SH3RF3: variants seen among roughly 807,000 people sequenced by gnomAD.
SH3RF3 encodes SH3 domain containing ring finger 3.
A neutral mutation model predicts 66.3 loss-of-function variants in SH3RF3; 29 were observed. The observed-to-expected ratio is 0.44, with a 90% CI of 0.33 to 0.60. The LOEUF is 0.60. SH3RF3 is among the 20% of genes least tolerant of loss of function. The pLI, the probability that SH3RF3 is intolerant of heterozygous loss-of-function variation, is 0.04. For missense variants in SH3RF3, 1,194 were observed against 1,190.9 expected (o/e 1.00, Z -0.04); for synonymous variants, 583 against 532.0 (o/e 1.10, Z -1.32).
chr2:109,156,449 G>T (rs1453826088), intron 1 of SH3RF3, among the ~76,000 whole-genome samples: 2 of 145,228 alleles, frequency 1.4e-5, no homozygotes, highest in Admixed American at 6.9e-5. Flanking sequence ...GAATTTTAAG[G>T]TTTTTTTTTT....
Position 109,136,234 on chromosome 2 carries a change from AAC to A in SH3RF3, c.573+6129_573+6130del, listed in dbSNP as rs531478704. Among the ~76,000 whole-genome samples, 10 of 152,288 alleles carry A rather than the reference AAC, an allele frequency of 6.6e-5. 1 individual carries two copies. The highest frequency in any genetic ancestry group is 3.3e-4 in the Admixed American group (5 of 15,298). On this transcript the variant is annotated intron_variant, in intron 1 of 9. Transcript: ENST00000309415. ...TCTTTTTTGAGGTGCATTAAAAAAA[AAC>A]ACACACATCAGCAAGCATTTGCTGG...
At chr2:109,136,755 G>C (rs1676823981) in intron 1 of SH3RF3, among the ~76,000 whole-genome samples, 1 of 152,200 alleles carries the variant, frequency 6.6e-6, no homozygotes, top group Admixed American at 6.5e-5. Context: ...AGGCTCACAT[G>C]AATTTATGTG....
intron 2 of SH3RF3, among the ~76,000 whole-genome samples, chr2:109,371,285 A>G (rs1337254729): frequency 2.6e-5 from 4 of 152,192 alleles, no homozygotes; most frequent in Non-Finnish European, 5.9e-5. Context: ...AGCTACTTGG[A>G]AGGCTGAGGC....
At chr2:109,275,064 CA>C (rs1680722606) in intron 1 of SH3RF3, among the ~76,000 whole-genome samples, 1 of 152,140 alleles carries the variant, frequency 6.6e-6, no homozygotes, top group Non-Finnish European at 1.5e-5. Context: ...CCCCTTAGAA[CA>C]TCTCAGAACA....
chr2:109,194,199 G>A (rs1239294115), intron 1 of SH3RF3, among the ~76,000 whole-genome samples: 1 of 152,234 alleles, frequency 6.6e-6, no homozygotes, highest in Admixed American at 6.5e-5. Flanking sequence ...ACAGGCACAG[G>A]CACTGCCCGT....
chr2:109,495,680 C>T (rs979859988), intron 9 of SH3RF3, among the ~76,000 whole-genome samples: 3 of 151,734 alleles, frequency 2.0e-5, no homozygotes, highest in Non-Finnish European at 4.4e-5. Context: ...TTAGTAGAGA[C>T]GGGGTTTCGC....
intron 3 of SH3RF3, among the ~76,000 whole-genome samples, chr2:109,394,845 G>A (rs991272083): frequency 5.3e-5 from 8 of 152,330 alleles, no homozygotes; most frequent in Admixed American, 3.3e-4. Flanking sequence ...AGGCCTGTGC[G>A]CGAGACGAGT....
At chr2:109,262,512 AG>A (rs1680379868) in intron 1 of SH3RF3, among the ~76,000 whole-genome samples, 1 of 152,212 alleles carries the variant, frequency 6.6e-6, no homozygotes, top group Non-Finnish European at 1.5e-5. Flanking sequence ...AAACCTACCC[AG>A]GCCCTTTCCT....
chr2:109,323,660 C>T (rs1028241935), intron 1 of SH3RF3, among the ~76,000 whole-genome samples: 4 of 152,330 alleles, frequency 2.6e-5, no homozygotes, highest in East Asian at 1.9e-4. Context: ...TGTGTGTCCG[C>T]CAAGCTCCCT....
Position 109,223,686 on chromosome 2 carries a change from C to T in SH3RF3, c.573+93573C>T, listed in dbSNP as rs148923128. 2.7e-3 allele frequency among the ~76,000 whole-genome samples: 405 copies of T among 152,278 alleles called. 2 individuals are homozygous for T. The highest frequency in any genetic ancestry group is 9.3e-3 in the African/African-American group (388 of 41,566). ...GCTCTCCCCTGAATTCTGCCCCCCA[C>T]GTGATGCTGCCCCAACGTGGAGATC... is the stretch of plus-strand genomic sequence containing the variant. On this transcript the variant is annotated intron_variant, in intron 1 of 9. Transcript: ENST00000309415.
intron 2 of SH3RF3, among the ~76,000 whole-genome samples, chr2:109,370,746 G>A (rs1371561982): frequency 6.6e-5 from 10 of 152,020 alleles, no homozygotes; most frequent in South Asian, 2.1e-4. Context: ...CAACCCCCCC[G>A]AAAGCCCGCC....
intron 1 of SH3RF3, among the ~76,000 whole-genome samples, chr2:109,150,824 T>TA (rs1380336273): frequency 1.3e-5 from 2 of 151,308 alleles, no homozygotes; most frequent in African/African-American, 4.9e-5. Context: ...GGGGAGAAAT[T>TA]AAAAAAAAAG....
chr2:109,467,307 AAAAG>A (rs1468165261), intron 8 of SH3RF3, among the ~76,000 whole-genome samples: 3 of 152,282 alleles, frequency 2.0e-5, no homozygotes, highest in Non-Finnish European at 4.4e-5. Context: ...CCCAGCAAGA[AAAAG>A]AAACCAGCTG....
chr2:109,345,612 C>T (rs1280563574), intron 1 of SH3RF3, among the ~76,000 whole-genome samples: 1 of 152,230 alleles, frequency 6.6e-6, no homozygotes, highest in East Asian at 1.9e-4. Context: ...TCTTTTCTTA[C>T]ATCCCTTCAA....
chr2:109,486,985 C>T (rs1157240853), intron 8 of SH3RF3, among the ~76,000 whole-genome samples: 2 of 152,230 alleles, frequency 1.3e-5, no homozygotes, highest in East Asian at 1.9e-4. Context: ...CCAGAAGGGT[C>T]ATTGGAATGG....
chr2:109,441,274 A>G (rs896268629), intron 7 of SH3RF3, among the ~76,000 whole-genome samples: 5 of 152,184 alleles, frequency 3.3e-5, no homozygotes, highest in African/African-American at 1.2e-4. Context: ...CTGACCCCAA[A>G]TTGACATAGA....
chr2:109,192,819 G>T (rs1678401017), intron 1 of SH3RF3, among the ~76,000 whole-genome samples: 1 of 152,190 alleles, frequency 6.6e-6, no homozygotes, highest in African/African-American at 2.4e-5. Flanking sequence ...AATGGTCATT[G>T]GGATGGCTTT....
intron 1 of SH3RF3, among the ~76,000 whole-genome samples, chr2:109,186,642 T>G (rs932869581): frequency 6.6e-6 from 1 of 152,138 alleles, no homozygotes; most frequent in Admixed American, 6.5e-5. Flanking sequence ...TGGGTTGGGA[T>G]GGAGCCCCCT....
At chr2:109,353,016 C>T (rs567644789) in intron 2 of SH3RF3, among the ~76,000 whole-genome samples, 29 of 152,380 alleles carry the variant, frequency 1.9e-4, no homozygotes, top group African/African-American at 6.5e-4. Flanking sequence ...TGGCCCTGGC[C>T]GCTGCAGCTG....
Sources: allele counts gnomAD v4.1 joint callset (sites outside exome capture counted in the v4.1 genomes callset), GRCh38; gene constraint gnomAD v4.1.1; transcripts MANE v1.5; gene names NCBI Gene and HGNC (gene_info 2026-07-23, HGNC 2026-07-21).